CEP126: variants seen among roughly 807,000 people sequenced by gnomAD.
CEP126 encodes the protein centrosomal protein of 126 kDa.
A neutral mutation model predicts 107.8 loss-of-function variants in CEP126; 74 were observed. That is an observed-to-expected ratio of 0.69 (90% CI 0.57 to 0.83). The LOEUF is 0.83. CEP126 is among the 40% of genes least tolerant of loss of function. The probability of loss-of-function intolerance (pLI) is 0.00; values close to 1 mark genes in which losing one functional copy is unlikely to be tolerated. For synonymous variants in CEP126, 449 were observed against 446.0 expected (o/e 1.01, Z -0.08); for missense variants, 1,237 against 1,281.9 (o/e 0.96, Z 0.53).
intron 4 of CEP126, 50 bp downstream of exon 4, chr11:101,948,192 C>CAATG: frequency 9.0e-7 from 1 of 1,105,682 alleles, no homozygotes; most frequent in Non-Finnish European, 1.3e-6. Context: ...ATTGTATAAC[C>CAATG]ATCTAGTTAC....
chr11:101,981,784 T>A (rs1366707279), intron 7 of CEP126, 105 bp from the exon 8 acceptor site: 2 of 617,958 alleles, frequency 3.2e-6, no homozygotes, highest in Non-Finnish European at 5.7e-6. Flanking sequence ...TGAACAATTG[T>A]AGCTAAAAAT....
chr11:101,963,129 T>A lies in CEP126; in HGVS notation c.2094T>A (p.Val698=). Residue 698 remains valine (V), a synonymous_variant, in exon 6 of 11, where the codon GTT becomes GTA. Transcript: ENST00000263468. ...GGGAGGATTCTATCTCTGAAAATGTTACGACTTTAGGAGGATCTGGAGCAG... is the reference window on the plus strand; with the variant it reads ...GGGAGGATTCTATCTCTGAAAATGTAACGACTTTAGGAGGATCTGGAGCAG... ...KSREDSISEN[V]TTLGGSGADH... 6.2e-7 allele frequency: 1 copy of A among 1,614,116 alleles called. No homozygotes were observed. Among genetic ancestry groups the A allele is most frequent in the Non-Finnish European group, 8.5e-7 (1 of 1,179,998 alleles).
intron 3 of CEP126, 132 bp from the exon 4 acceptor site, chr11:101,947,899 A>G: frequency 2.4e-6 from 1 of 411,274 alleles, no homozygotes; most frequent in African/African-American, 2.0e-5. Context: ...AAGTATTTAC[A>G]CTATTCTGAA....
intron 6 of CEP126, among the ~76,000 whole-genome samples, chr11:101,976,576 A>T (rs61916025): frequency 0.012 from 1,813 of 152,280 alleles, 17 homozygotes; most frequent in Non-Finnish European, 0.018. Context: ...ATTATTTCTC[A>T]AGACATTTAA....
intron 8 of CEP126, among the ~76,000 whole-genome samples, chr11:101,985,768 A>G (rs937313615): frequency 2.0e-5 from 3 of 152,222 alleles, no homozygotes; most frequent in African/African-American, 7.2e-5. Flanking sequence ...TGTAAAGTCT[A>G]TTAGGGAAGA....
rs770287022 is a variant in CEP126, at chr11:101,922,758, A to G, written c.246A>G (p.Lys82=). 2 of 1,610,612 alleles carry G rather than the reference A, an allele frequency of 1.2e-6. No homozygotes were observed. Among genetic ancestry groups the G allele is most frequent in the Non-Finnish European group, 1.7e-6 (2 of 1,177,646 alleles). ...ATTTTGTGGAGTCAAATCGGAGAAA[A>G]AAGTAAGTAATTGCACTTTATTCAG... ...RKYFVESNRR[K]KAFEEKRKEQ... Residue 82 remains lysine (K), a splice_region_variant and synonymous_variant, in exon 2 of 11, where the codon AAA becomes AAG. Coordinates refer to ENST00000263468, the MANE Select transcript of CEP126 (RefSeq NM_020802.4).
At chr11:101,982,481 T>G (rs572380988) in intron 8 of CEP126, among the ~76,000 whole-genome samples, 4 of 152,278 alleles carry the variant, frequency 2.6e-5, no homozygotes, top group African/African-American at 9.6e-5. Flanking sequence ...ATACCTTTCA[T>G]TAATATTATG....
chr11:101,917,932 C>T (rs1940253537), intron 1 of CEP126, among the ~76,000 whole-genome samples: 1 of 152,174 alleles, frequency 6.6e-6, no homozygotes, highest in Non-Finnish European at 1.5e-5. Flanking sequence ...TTTCCAGCTT[C>T]ACCTAAACAG....
chr11:101,925,843 C>T (rs981313037), intron 2 of CEP126, among the ~76,000 whole-genome samples: 7 of 144,744 alleles, frequency 4.8e-5, no homozygotes, highest in South Asian at 4.6e-4. Flanking sequence ...TTAGTAAAGA[C>T]GGGGTTTCGC....
rs1565362521 is a variant in CEP126, at chr11:101,963,683, G to A, written c.2648G>A (p.Cys883Tyr). Residue 883 changes from cysteine (C) to tyrosine (Y), a missense_variant, in exon 6 of 11, where the codon TGC becomes TAC. This residue lies in a region of CEP126 where 1,134 missense variants were observed against 1,150.5 expected (regional missense o/e 0.99). Transcript: ENST00000263468. ...PSLPSYCSSE[C>Y]QTFAKINHSN... is the part of the protein sequence containing the mutation. ...CTGCCATCATATTGTTCTTCAGAGTGCCAAACTTTCGCAAAAATAAATCAT... is the reference window on the plus strand; with the variant it reads ...CTGCCATCATATTGTTCTTCAGAGTACCAAACTTTCGCAAAAATAAATCAT... 1 of 1,614,088 alleles carries A rather than the reference G, an allele frequency of 6.2e-7. No individual in the cohort carries two copies. The highest frequency in any genetic ancestry group is 8.5e-7 in the Non-Finnish European group (1 of 1,180,022).
At chr11:101,942,873 T>C (rs1491000241) in intron 2 of CEP126, among the ~76,000 whole-genome samples, 1 of 152,102 alleles carries the variant, frequency 6.6e-6, no homozygotes, top group African/African-American at 2.4e-5. Context: ...TTTATGCTAT[T>C]GTAAACTGAG....
At chr11:101,980,558 T>C (rs986386504) in intron 7 of CEP126, among the ~76,000 whole-genome samples, 4 of 152,230 alleles carry the variant, frequency 2.6e-5, no homozygotes, top group Non-Finnish European at 4.4e-5. Context: ...CATCCACTTA[T>C]ACACCTTCCA....
chr11:101,977,310 C>A (rs571413451), intron 6 of CEP126, among the ~76,000 whole-genome samples: 10 of 152,012 alleles, frequency 6.6e-5, no homozygotes, highest in Admixed American at 6.6e-4. Flanking sequence ...TGTGATTTTG[C>A]AAGAATATGT....
chr11:101,920,454 C>A (rs1279526310), intron 1 of CEP126, among the ~76,000 whole-genome samples: 1 of 151,906 alleles, frequency 6.6e-6, no homozygotes, highest in Non-Finnish European at 1.5e-5. Flanking sequence ...AATTTTGGAC[C>A]TCCATCTTAG....
At chr11:101,974,914 A>G (rs553530909) in intron 6 of CEP126, among the ~76,000 whole-genome samples, 8 of 152,372 alleles carry the variant, frequency 5.3e-5, no homozygotes, top group Admixed American at 2.6e-4. Context: ...ACAAAGATAA[A>G]TAATGCAATC....
chr11:101,974,335 C>CTAAAAGTCAG (rs1941168844), intron 6 of CEP126, among the ~76,000 whole-genome samples: 1 of 151,972 alleles, frequency 6.6e-6, no homozygotes, highest in South Asian at 2.1e-4. Flanking sequence ...GAGGTTCAGT[C>CTAAAAGTCAG]TAAAAGTCAG....
At chr11:101,923,819 T>A (rs1377956065) in intron 2 of CEP126, among the ~76,000 whole-genome samples, 4 of 152,186 alleles carry the variant, frequency 2.6e-5, no homozygotes, top group African/African-American at 9.6e-5. Context: ...AATTAAAGGA[T>A]GTCTGTTTAA....
chr11:101,936,634 C>T lies in CEP126; in HGVS notation c.249-7631C>T, dbSNP rs184047379. Among the ~76,000 whole-genome samples, 265 of 152,210 alleles carry T rather than the reference C, an allele frequency of 1.7e-3. 1 individual carries two copies. Among genetic ancestry groups the T allele is most frequent in the African/African-American group, 6.0e-3 (249 of 41,544 alleles). ...GAAGTAGTATGAGTAACCCTCTTTG[C>T]CTTATACCTTTTGGGGGAAGTATTT... On this transcript the variant is annotated intron_variant, in intron 2 of 10. Coordinates refer to ENST00000263468, the MANE Select transcript of CEP126 (RefSeq NM_020802.4).
intron 2 of CEP126, among the ~76,000 whole-genome samples, chr11:101,941,072 T>C (rs995332491): frequency 6.6e-6 from 1 of 152,168 alleles, no homozygotes; most frequent in East Asian, 1.9e-4. Flanking sequence ...AATTTGGAGC[T>C]TTTTATGTTG....
Sources: allele counts gnomAD v4.1 joint callset (sites outside exome capture counted in the v4.1 genomes callset), GRCh38; gene constraint gnomAD v4.1.1; regional missense constraint gnomAD v4.1.1; transcripts MANE v1.5; gene names NCBI Gene and HGNC (gene_info 2026-07-23, HGNC 2026-07-21).